LRBA: variants seen among roughly 807,000 people sequenced by gnomAD.
LRBA encodes the protein lipopolysaccharide-responsive and beige-like anchor protein.
LRBA carries 176 observed loss-of-function variants against 330.0 expected under a neutral mutation model. The observed-to-expected ratio is 0.53, with a 90% confidence interval of 0.47 to 0.60. The LOEUF (loss-of-function observed/expected upper bound fraction) is 0.60, where lower values mean the gene tolerates loss of function less well. Among genes scored for constraint, LRBA ranks in the 20% least tolerant of loss-of-function variants. The probability of loss-of-function intolerance (pLI) is 0.00; values close to 1 mark genes in which losing one functional copy is unlikely to be tolerated. For synonymous variants in LRBA, 1,230 were observed against 1,193.0 expected, an observed-to-expected ratio of 1.03 and a Z score of -0.64; for missense variants, 3,259 against 3,444.8, an observed-to-expected ratio of 0.95 and a Z score of 1.35.
intron 2 of LRBA, among the ~76,000 whole-genome samples, chr4:150,976,306 G>A (rs1199351253): frequency 6.6e-6 from 1 of 151,816 alleles, no homozygotes; most frequent in Non-Finnish European, 1.5e-5. Context: ...AAACTCACAC[G>A]TCATACAAGC....
chr4:150,770,607 ACAAAC>A, intron 34 of LRBA, among the ~76,000 whole-genome samples: 2 of 149,436 alleles, frequency 1.3e-5, no homozygotes, highest in South Asian at 4.3e-4. Flanking sequence ...ACACACACAC[ACAAAC>A]ACATATACAC....
intron 2 of LRBA, among the ~76,000 whole-genome samples, chr4:150,957,526 T>A (rs1186380411): frequency 6.7e-6 from 1 of 148,248 alleles, no homozygotes; most frequent in Non-Finnish European, 1.5e-5. Context: ...CCAAACCATA[T>A]CATTCTGCCC....
chr4:150,748,541 C>A (rs566599057), intron 35 of LRBA, among the ~76,000 whole-genome samples: 6 of 152,010 alleles, frequency 3.9e-5, no homozygotes, highest in African/African-American at 1.5e-4. Context: ...GTGGTGGGCA[C>A]CTGTAATCCC....
intron 36 of LRBA, among the ~76,000 whole-genome samples, chr4:150,723,887 C>T (rs1729291786): frequency 6.6e-6 from 1 of 152,116 alleles, no homozygotes; most frequent in South Asian, 2.1e-4. Flanking sequence ...ACAGAAGAGC[C>T]CCTAGGCTCT....
chr4:150,453,097 T>C lies in LRBA; in HGVS notation c.6780+14576A>G, dbSNP rs558216577. 3.9e-5 allele frequency among the ~76,000 whole-genome samples: 6 copies of C among 152,298 alleles called. No individual in the cohort carries two copies. In the South Asian group the frequency reaches 1.2e-3, roughly 32 times the overall value. The stretch of plus-strand genomic sequence containing the variant: ...TATACTAAGGAATTGGAACATTCAA[T>C]ATTCTTAGTACTTTATTTTTACCCA... On this transcript the variant is annotated intron_variant, in intron 44 of 56. Coordinates refer to ENST00000651943, the MANE Select transcript of LRBA (RefSeq NM_001364905.1).
At position 150,618,534 on chromosome 4, in the gene LRBA, C is replaced by T. The variant is rs144515393; in HGVS notation, c.5922-19403G>A. Among the ~76,000 whole-genome samples the T allele has an allele frequency of 4.2e-3, 634 of 152,060 alleles. 4 individuals carry two copies. Among genetic ancestry groups the T allele is most frequent in the African/African-American group, 0.014 (571 of 41,492 alleles). On this transcript the variant is annotated intron_variant, in intron 37 of 56. Transcript: ENST00000651943. ...TCTTTCAACTCCTAATCTTTGGAAA[C>T]CTGGAATAGTTTTTTATTTTTTAAA...
chr4:150,341,318 C>T (rs1049955235), intron 48 of LRBA, among the ~76,000 whole-genome samples: 2 of 151,990 alleles, frequency 1.3e-5, no homozygotes, highest in Non-Finnish European at 2.9e-5. Flanking sequence ...CATACCACCA[C>T]GCCTGGCTAA....
At chr4:150,768,490 AATT>A (rs1317231996) in intron 34 of LRBA, among the ~76,000 whole-genome samples, 1 of 152,226 alleles carries the variant, frequency 6.6e-6, no homozygotes, top group Non-Finnish European at 1.5e-5. Context: ...TAATTAAGGA[AATT>A]ATTAAAAAGC....
chr4:150,354,956 A>G (rs995153517), intron 47 of LRBA, among the ~76,000 whole-genome samples: 2 of 151,906 alleles, frequency 1.3e-5, no homozygotes, highest in African/African-American at 4.8e-5. Flanking sequence ...GTATATATAT[A>G]TGTGTGTGTC....
At chr4:150,817,299 T>A (rs1262541979) in intron 30 of LRBA, 42 bp from the exon 31 acceptor site, 8 of 1,567,130 alleles carry the variant, frequency 5.1e-6, no homozygotes, top group Non-Finnish European at 7.0e-6. Flanking sequence ...TACAAATTGA[T>A]CTCTTGAATT....
At chr4:150,415,172 T>A (rs1747553812) in intron 47 of LRBA, among the ~76,000 whole-genome samples, 1 of 151,646 alleles carries the variant, frequency 6.6e-6, no homozygotes, top group Admixed American at 6.6e-5. Flanking sequence ...CAATTTCACT[T>A]CTAACTTTCG....
chr4:150,315,270 A>G, intron 51 of LRBA: 1 of 463,656 alleles, frequency 2.2e-6, no homozygotes, highest in Non-Finnish European at 3.9e-6. Flanking sequence ...GAAAAGATCC[A>G]ATATTATCCT....
intron 44 of LRBA, among the ~76,000 whole-genome samples, chr4:150,445,973 T>G (rs1314220981): frequency 6.6e-6 from 1 of 151,954 alleles, no homozygotes; most frequent in East Asian, 1.9e-4. Context: ...AATACAAAAA[T>G]TAGACATAAA....
chr4:150,548,762 T>C (rs913587259), intron 40 of LRBA, among the ~76,000 whole-genome samples: 9 of 152,198 alleles, frequency 5.9e-5, no homozygotes, highest in African/African-American at 2.2e-4. Context: ...TTGTCTGACA[T>C]TGTGCTAACT....
Position 150,293,266 on chromosome 4 carries a change from A to T in LRBA, c.8018-7232T>A, listed in dbSNP as rs142027311. 1.7e-3 allele frequency among the ~76,000 whole-genome samples: 254 copies of T among 152,360 alleles called. 2 individuals carry two copies. The highest frequency in any genetic ancestry group is 5.9e-3 in the African/African-American group (247 of 41,594). On this transcript the variant is annotated intron_variant, in intron 53 of 56. Transcript: ENST00000651943. The stretch of plus-strand genomic sequence containing the variant: ...ATGCGGCTCACCATAATGGTAAATC[A>T]AGAAAGGAAATGGCTTTGCTAAAGC...
At chr4:150,347,778 T>A (rs1736593932) in intron 48 of LRBA, among the ~76,000 whole-genome samples, 1 of 152,336 alleles carries the variant, frequency 6.6e-6, no homozygotes, top group South Asian at 2.1e-4. Context: ...CTTACACCTA[T>A]ATTCAAATAT....
intron 47 of LRBA, among the ~76,000 whole-genome samples, chr4:150,378,119 CAT>C (rs1180112378): frequency 6.6e-6 from 1 of 152,086 alleles, no homozygotes; most frequent in African/African-American, 2.4e-5. Context: ...AAATTATGTT[CAT>C]CAGACGTAAA....
chr4:150,394,725 C>T (rs111698281), intron 47 of LRBA, among the ~76,000 whole-genome samples: 2 of 152,136 alleles, frequency 1.3e-5, no homozygotes, highest in African/African-American at 4.8e-5. Flanking sequence ...GCACAGGCTT[C>T]ACTTGGTATA....
At chr4:150,462,836 T>A (rs1453944943) in intron 44 of LRBA, among the ~76,000 whole-genome samples, 2 of 151,910 alleles carry the variant, frequency 1.3e-5, no homozygotes, top group East Asian at 3.9e-4. Context: ...AAACAAACAG[T>A]AATGTTTACA....
Sources: allele counts gnomAD v4.1 joint callset (sites outside exome capture counted in the v4.1 genomes callset), GRCh38; gene constraint gnomAD v4.1.1; transcripts MANE v1.5; gene names NCBI Gene and HGNC (gene_info 2026-07-23, HGNC 2026-07-21).